TDP1: variants seen among roughly 807,000 people sequenced by gnomAD.
TDP1 encodes tyrosyl-DNA phosphodiesterase 1.
A neutral mutation model predicts 81.5 loss-of-function variants in TDP1; 64 were observed. The observed-to-expected ratio is 0.79, with a 90% CI of 0.64 to 0.97. The LOEUF (loss-of-function observed/expected upper bound fraction) is 0.97, where lower values mean the gene tolerates loss of function less well. TDP1 is among the 50% of genes least tolerant of loss of function. The probability of loss-of-function intolerance (pLI) is 0.00; values close to 1 mark genes in which losing one functional copy is unlikely to be tolerated. For synonymous variants in TDP1, 256 were observed against 264.3 expected (o/e 0.97, Z 0.30); for missense variants, 723 against 743.8 (o/e 0.97, Z 0.33).
intron 7 of TDP1, among the ~76,000 whole-genome samples, chr14:89,976,451 A>G (rs894116748): frequency 2.8e-5 from 4 of 141,570 alleles, no homozygotes; most frequent in Non-Finnish European, 6.1e-5. Context: ...AATTTACCTT[A>G]TTATTTCCTT....
At chr14:90,030,695 A>G (rs1269160079) in intron 15 of TDP1, among the ~76,000 whole-genome samples, 2 of 152,128 alleles carry the variant, frequency 1.3e-5, no homozygotes, top group South Asian at 2.1e-4. Flanking sequence ...AACACCTACT[A>G]TGTACCAGGA....
chr14:90,035,806 G>T (rs1237587761), intron 16 of TDP1, among the ~76,000 whole-genome samples: 1 of 147,446 alleles, frequency 6.8e-6, no homozygotes, highest in African/African-American at 2.6e-5. Flanking sequence ...GGCTTTATCT[G>T]CTGGGGTCTG....
At chr14:90,024,543 G>A (rs1342359353) in intron 15 of TDP1, among the ~76,000 whole-genome samples, 2 of 152,218 alleles carry the variant, frequency 1.3e-5, no homozygotes, top group Non-Finnish European at 2.9e-5. Flanking sequence ...AGAAGTGTGT[G>A]AAACAGTATG....
At chr14:90,020,028 C>T (rs1004655038) in intron 15 of TDP1, among the ~76,000 whole-genome samples, 7 of 152,170 alleles carry the variant, frequency 4.6e-5, no homozygotes, top group African/African-American at 9.7e-5. Flanking sequence ...AGCACCGTGT[C>T]GAACTGGTCT....
chr14:90,020,800 C>CT lies in TDP1; in HGVS notation c.1644+1396dup, dbSNP rs869215666. On this transcript the variant is annotated intron_variant, in intron 15 of 16. Coordinates refer to ENST00000335725, the MANE Select transcript of TDP1 (RefSeq NM_018319.4). Reference sequence around the variant, plus strand: ...AGACTTCAATCTGGACTAATCCAGTCTTTTTTTTTTTTTTAGACAGAGTCT... The same window carrying CT: ...AGACTTCAATCTGGACTAATCCAGTCTTTTTTTTTTTTTTTAGACAGAGTCT... Among the ~76,000 whole-genome samples, 956 of 123,004 alleles carry CT rather than the reference C, an allele frequency of 7.8e-3. 13 individuals carry two copies. Among genetic ancestry groups the CT allele is most frequent in the South Asian group, 0.01 (37 of 3,598 alleles). 80.7% of individuals were successfully genotyped at this position (123,004 alleles called of 152,430 possible).
intron 3 of TDP1, 132 bp from the exon 4 acceptor site, chr14:89,966,015 G>A (rs1241905827): frequency 1.7e-5 from 17 of 982,904 alleles, no homozygotes; most frequent in Non-Finnish European, 2.7e-5. Flanking sequence ...GTCTGACTTT[G>A]TAGTAACTGT....
chr14:90,031,441 G>A (rs1887276382), intron 15 of TDP1, among the ~76,000 whole-genome samples: 1 of 151,922 alleles, frequency 6.6e-6, no homozygotes, highest in South Asian at 2.1e-4. Context: ...TGGATCACTC[G>A]AGGCCAGGAG....
chr14:89,968,807 A>G (rs1893251482), intron 5 of TDP1, among the ~76,000 whole-genome samples: 2 of 152,228 alleles, frequency 1.3e-5, no homozygotes, highest in African/African-American at 4.8e-5. Flanking sequence ...TGCAGACTGC[A>G]GTTCCTTTGT....
Position 90,033,149 on chromosome 14 carries a change from G to T in TDP1, c.1688G>T (p.Ser563Ile). The change falls in exon 16 of 17, where the codon AGC becomes ATC. Residue 563 changes from serine (S) to isoleucine (I), a missense_variant. Ser to Ile is a moderately radical substitution (Grantham distance 142). Coordinates refer to ENST00000335725, the MANE Select transcript of TDP1 (RefSeq NM_018319.4). ...FKVKQKFFAG[S>I]QEPMATFPVP... ...GTGAAACAGAAGTTCTTCGCTGGCA[G>T]CCAGGAGCCAATGGCCACCTTTCCT... 1 of 1,613,694 alleles carries T rather than the reference G, an allele frequency of 6.2e-7. No individual in the cohort carries two copies. The highest frequency in any genetic ancestry group is 8.5e-7 in the Non-Finnish European group (1 of 1,179,666).
chr14:89,985,889 T>G (rs977375503), intron 10 of TDP1, among the ~76,000 whole-genome samples: 4 of 152,148 alleles, frequency 2.6e-5, no homozygotes, highest in African/African-American at 9.7e-5. Flanking sequence ...TAGCCGGGCA[T>G]GATGGCAGGC....
chr14:90,011,367 G>A (rs1217143606), intron 14 of TDP1, among the ~76,000 whole-genome samples: 1 of 152,182 alleles, frequency 6.6e-6, no homozygotes, highest in Non-Finnish European at 1.5e-5. Context: ...ACAGGCAGAG[G>A]TTGGAACAGT....
At chr14:90,006,043 C>A (rs772464889) in intron 14 of TDP1, among the ~76,000 whole-genome samples, 5 of 152,096 alleles carry the variant, frequency 3.3e-5, no homozygotes, top group Non-Finnish European at 5.9e-5. Context: ...ACCAAGGCCT[C>A]CATTTAGAGT....
chr14:90,003,085 A>C (rs925824036), intron 14 of TDP1, among the ~76,000 whole-genome samples: 1 of 151,966 alleles, frequency 6.6e-6, no homozygotes, highest in Non-Finnish European at 1.5e-5. Flanking sequence ...CTACAGGCGC[A>C]TGCCACCATG....
intron 10 of TDP1, 147 bp downstream of exon 10, chr14:89,985,357 C>A (rs992059059): frequency 6.5e-6 from 4 of 612,566 alleles, no homozygotes; most frequent in Non-Finnish European, 5.7e-6. Flanking sequence ...AATTATAATT[C>A]TTAGTAATTA....
chr14:90,024,700 GCAGTACTTA>G (rs1886454562), intron 15 of TDP1, among the ~76,000 whole-genome samples: 1 of 152,144 alleles, frequency 6.6e-6, no homozygotes, highest in Non-Finnish European at 1.5e-5. Context: ...GGAGTCCACT[GCAGTACTTA>G]CAAATGCCAA....
At position 89,984,667 on chromosome 14, in the gene TDP1, G is replaced by A. The variant is rs199879149; in HGVS notation, c.1036G>A (p.Asp346Asn). Residue 346 changes from aspartate to asparagine, a missense_variant, in exon 9 of 17, where the codon GAT becomes AAT. By Grantham distance (23) the Asp-to-Asn change is conservative. Transcript: ENST00000335725. ...GTGGATAGATGTCATTCACAAGCAC[G>A]ATCTCTCTGAAACAAAGTATGTGTC... ...KEWIDVIHKH[D>N]LSETNVYLIG... 62 of 1,613,734 alleles carry A rather than the reference G, an allele frequency of 3.8e-5. No homozygotes were observed. Among genetic ancestry groups the A allele is most frequent in the Non-Finnish European group, 4.7e-5 (55 of 1,180,006 alleles).
At chr14:90,023,204 G>T (rs1566919455) in intron 15 of TDP1, 1 of 668,726 alleles carries the variant, frequency 1.5e-6, no homozygotes. Context: ...CGGGGGGCTT[G>T]GGAAAGGCTT....
Position 89,963,242 on chromosome 14 carries a change from AGCCCAGGTACACCTGTTCCGAG to A in TDP1, c.135_156del (p.Tyr46LysfsTer11). 6.2e-7 allele frequency: 1 copy of A among 1,614,216 alleles called. No homozygotes were observed. The highest frequency in any genetic ancestry group is 8.5e-7 in the Non-Finnish European group (1 of 1,180,032). On this transcript the variant is annotated frameshift_variant, in exon 3 of 17. Transcript: ENST00000335725. LOFTEE classifies it high-confidence loss of function. Reference sequence around the variant, plus strand: ...TGTGCCAGGCAAGGAGCAGCAAATGAGCCCAGGTACACCTGTTCCGAGGCCCAGAAAGCTGCACACAAGAGGA... The same window carrying A: ...TGTGCCAGGCAAGGAGCAGCAAATGAGCCCAGAAAGCTGCACACAAGAGGA...
intron 16 of TDP1, among the ~76,000 whole-genome samples, chr14:90,040,882 AGAGTTTAGTTT>A (rs1034357056): frequency 1.3e-5 from 2 of 152,230 alleles, no homozygotes; most frequent in African/African-American, 4.8e-5. Flanking sequence ...TTTAAACAGC[AGAGTTTAGTTT>A]TTGTATTGGA....
Sources: gnomAD v4.1 joint callset for allele counts (sites outside exome capture counted in the v4.1 genomes callset) on GRCh38, gnomAD v4.1.1 for gene constraint, MANE v1.5 for transcripts, NCBI Gene and HGNC (gene_info 2026-07-23, HGNC 2026-07-21) for gene names.